ARHGAP31: variants seen among roughly 807,000 people sequenced by gnomAD.
ARHGAP31 encodes the protein rho GTPase-activating protein 31.
ARHGAP31 carries 34 observed loss-of-function variants against 113.9 expected under a neutral mutation model. The observed-to-expected ratio is 0.30, with a 90% confidence interval of 0.23 to 0.40. The LOEUF is 0.40. Ranked by LOEUF, ARHGAP31 falls within the 10% of genes least tolerant of loss-of-function variation. ARHGAP31 has a pLI of 1.00. For missense variants in ARHGAP31, 1,548 were observed against 1,767.1 expected (o/e 0.88, Z 2.22); for synonymous variants, 650 against 684.8 (o/e 0.95, Z 0.79).
At chr3:119,345,050 T>A in intron 1 of ARHGAP31, among the ~76,000 whole-genome samples, 1 of 151,884 alleles carries the variant, frequency 6.6e-6, no homozygotes, top group East Asian at 1.9e-4. Context: ...AGTGGCACAA[T>A]CTCGGCTCAC....
In ARHGAP31 at chr3:119,390,855, G is replaced by C; in HGVS notation, c.753G>C (p.Glu251Asp). Residue 251 changes from glutamate (E) to aspartate (D), a missense_variant, in exon 7 of 12, where the codon GAG becomes GAC. Glu to Asp is a conservative substitution (Grantham distance 45, BLOSUM62 2). Coordinates refer to ENST00000264245, the MANE Select transcript of ARHGAP31 (RefSeq NM_020754.4). ...LSLPMKLVSLEEAQARSLATN... is the reference protein window; with the variant it reads ...LSLPMKLVSLDEAQARSLATN... Reference sequence around the variant, plus strand: ...TGCCCATGAAGCTGGTGAGCCTTGAGGAAGCTCAAGCCCGCAGCCTGGCCA... The same window carrying C: ...TGCCCATGAAGCTGGTGAGCCTTGACGAAGCTCAAGCCCGCAGCCTGGCCA... 1 of 1,613,912 alleles carries C rather than the reference G, an allele frequency of 6.2e-7. No homozygotes were observed. Among genetic ancestry groups the C allele is most frequent in the Non-Finnish European group, 8.5e-7 (1 of 1,180,030 alleles).
intron 8 of ARHGAP31, among the ~76,000 whole-genome samples, chr3:119,394,223 C>T (rs183570752): frequency 1.6e-3 from 239 of 152,270 alleles, no homozygotes; most frequent in African/African-American, 4.7e-3. Context: ...ACTGTGATCC[C>T]TTGGTTAAAG....
chr3:119,405,646 G>A (rs567947045), intron 10 of ARHGAP31, among the ~76,000 whole-genome samples: 1 of 152,112 alleles, frequency 6.6e-6, no homozygotes, highest in South Asian at 2.1e-4. Context: ...GGTGGGGGAG[G>A]TTCTAGCTCC....
intron 1 of ARHGAP31, among the ~76,000 whole-genome samples, chr3:119,308,547 C>T (rs530035774): frequency 6.6e-6 from 1 of 152,318 alleles, no homozygotes; most frequent in African/African-American, 2.4e-5. Flanking sequence ...CTTTCTCTAC[C>T]CACAGCTGGG....
At position 119,383,080 on chromosome 3, in the gene ARHGAP31, G is replaced by T. The variant is rs539898181; in HGVS notation, c.540-4G>T. ...TAACTGAATATGTTTCTTCCACACGGTAGGTCTAAAGAAATTGAAGCCACT... is the reference window on the plus strand; with the variant it reads ...TAACTGAATATGTTTCTTCCACACGTTAGGTCTAAAGAAATTGAAGCCACT... On this transcript the variant is annotated splice_region_variant and splice_polypyrimidine_tract_variant and intron_variant, in intron 5 of 11. Transcript: ENST00000264245. 2.0e-4 allele frequency: 328 copies of T among 1,614,122 alleles called. 5 individuals carry two copies. The South Asian group carries it at 3.4e-3, about 17-fold the overall frequency.
chr3:119,414,021 C>T lies in ARHGAP31; in HGVS notation c.2092C>T (p.Pro698Ser). Residue 698 changes from proline to serine, a missense_variant, in exon 12 of 12, where the codon CCT becomes TCT. Pro to Ser is a moderately conservative substitution (Grantham distance 74). Transcript: ENST00000264245. Reference sequence around the variant, plus strand: ...TCTGGGGCCCTTTATTCCCTCAGAGCCTCCTGGGAGCTTGCCTTGTGGCTC... The same window carrying T: ...TCTGGGGCCCTTTATTCCCTCAGAGTCTCCTGGGAGCTTGCCTTGTGGCTC... Reference protein sequence around the residue: ...SSLGPFIPSEPPGSLPCGSFP... With the variant: ...SSLGPFIPSESPGSLPCGSFP... 6.2e-7 allele frequency: 1 copy of T among 1,614,176 alleles called. No homozygotes were observed. Among genetic ancestry groups the T allele is most frequent in the Non-Finnish European group, 8.5e-7 (1 of 1,180,036 alleles).
chr3:119,381,038 C>T, intron 4 of ARHGAP31, 52 bp downstream of exon 4: 3 of 1,502,648 alleles, frequency 2.0e-6, no homozygotes, highest in Non-Finnish European at 2.8e-6. Context: ...AGTGTAATAC[C>T]AAAGAGACAG....
chr3:119,298,882 A>T, intron 1 of ARHGAP31: 1 of 234,032 alleles, frequency 4.3e-6, no homozygotes. Flanking sequence ...AAGCTACATT[A>T]TTGTGTGAGT....
In ARHGAP31 at chr3:119,414,694, C is replaced by A; in HGVS notation, c.2765C>A (p.Thr922Asn). 2 of 1,614,208 alleles carry A rather than the reference C, an allele frequency of 1.2e-6. No homozygotes were observed. The highest frequency in any genetic ancestry group is 3.3e-5 in the Admixed American group (2 of 60,026). ...GTGACGAGTCCCCTTCACTCTCCCA[C>A]CCTGAAAGACGCGCACAAGGCCCAG... ...QWVTSPLHSP[T>N]LKDAHKAQVQ... The change falls in exon 12 of 12, where the codon ACC becomes AAC. Residue 922 changes from threonine (T) to asparagine (N), a missense_variant. Coordinates refer to ENST00000264245, the MANE Select transcript of ARHGAP31 (RefSeq NM_020754.4).
At chr3:119,345,369 G>A (rs1340614688) in intron 1 of ARHGAP31, among the ~76,000 whole-genome samples, 2 of 152,148 alleles carry the variant, frequency 1.3e-5, no homozygotes, top group Non-Finnish European at 1.5e-5. Flanking sequence ...AGCAGCAGGT[G>A]TCCTCTGGAG....
chr3:119,419,305 C>T lies in ARHGAP31; in HGVS notation c.*3041C>T, dbSNP rs1395595796. Reference sequence around the variant, plus strand: ...TGCATGTACTGACGTTTTCTTTCAGCATTAGTGGTTGCTTAAGAAAATAGT... The same window carrying T: ...TGCATGTACTGACGTTTTCTTTCAGTATTAGTGGTTGCTTAAGAAAATAGT... On this transcript the variant is annotated 3_prime_UTR_variant, in exon 12 of 12. Transcript: ENST00000264245. The T allele has an allele frequency of 6.6e-6, 1 of 152,186 alleles. No homozygotes were observed. Among genetic ancestry groups the T allele is most frequent in the East Asian group, 1.9e-4 (1 of 5,206 alleles). The allele number at this position is 152,186 out of a possible 1,614,324, so 9.4% of individuals were successfully genotyped here.
At chr3:119,356,641 A>AT (rs1423875638) in intron 1 of ARHGAP31, among the ~76,000 whole-genome samples, 2 of 151,698 alleles carry the variant, frequency 1.3e-5, no homozygotes, top group Non-Finnish European at 2.9e-5. Flanking sequence ...AAAAAAAAAA[A>AT]GAAAAAAAAA....
chr3:119,377,503 G>A (rs2080359069), intron 3 of ARHGAP31, among the ~76,000 whole-genome samples: 1 of 152,190 alleles, frequency 6.6e-6, no homozygotes, highest in Non-Finnish European at 1.5e-5. Context: ...GGGACAGCGG[G>A]GACACGCTGA....
rs1255355723 is a variant in ARHGAP31, at chr3:119,314,992, C to T, written c.100+19988C>T. Among the ~76,000 whole-genome samples, 5 of 152,336 alleles carry T rather than the reference C, an allele frequency of 3.3e-5. No individual in the cohort carries two copies. The South Asian group carries it at 1.0e-3, about 32-fold the overall frequency. On this transcript the variant is annotated intron_variant, in intron 1 of 11. Coordinates refer to ENST00000264245, the MANE Select transcript of ARHGAP31 (RefSeq NM_020754.4). ...TGGCAGAGCTGTTTTCCTGACATAA[C>T]CCTCCTCCACACCCTTGTGCCTCCC...
chr3:119,336,177 A>G (rs1409719025), intron 1 of ARHGAP31, among the ~76,000 whole-genome samples: 2 of 152,248 alleles, frequency 1.3e-5, no homozygotes, highest in African/African-American at 4.8e-5. Context: ...CTTGGTCTCA[A>G]AAAAACAAAA....
chr3:119,298,495 GAGAT>G (rs1197476816), intron 1 of ARHGAP31, among the ~76,000 whole-genome samples: 2 of 152,150 alleles, frequency 1.3e-5, no homozygotes, highest in Non-Finnish European at 2.9e-5. Flanking sequence ...TTAGAGCTTG[GAGAT>G]GGTTGGGGCC....
intron 1 of ARHGAP31, among the ~76,000 whole-genome samples, chr3:119,327,386 A>G (rs1355619168): frequency 1.3e-5 from 2 of 152,022 alleles, no homozygotes; most frequent in East Asian, 1.9e-4. Flanking sequence ...TCTACTAAAA[A>G]ATACAAAAAT....
Position 119,417,473 on chromosome 3 carries a change from C to G in ARHGAP31, c.*1209C>G, listed in dbSNP as rs1170072124. The G allele has an allele frequency of 1.3e-5, 2 of 152,126 alleles. No homozygotes were observed. The highest frequency in any genetic ancestry group is 3.9e-4 in the East Asian group (2 of 5,160). 9.4% of individuals were successfully genotyped at this position (152,126 alleles called of 1,614,324 possible). On this transcript the variant is annotated 3_prime_UTR_variant, in exon 12 of 12. Coordinates refer to ENST00000264245, the MANE Select transcript of ARHGAP31 (RefSeq NM_020754.4). Reference sequence around the variant, plus strand: ...TCAAGAACAGATTTGAGGCCAGGTGCGGTGCCTCACATCTGTAATCCCAAC... The same window carrying G: ...TCAAGAACAGATTTGAGGCCAGGTGGGGTGCCTCACATCTGTAATCCCAAC...
rs886057804 is a variant in ARHGAP31, at chr3:119,416,447, A to G, written c.*183A>G. On this transcript the variant is annotated 3_prime_UTR_variant, in exon 12 of 12. Coordinates refer to ENST00000264245, the MANE Select transcript of ARHGAP31 (RefSeq NM_020754.4). ...CATTTGCTAGAAGAGTGGTCAAGGG[A>G]AAAACGAGAGATGAAATTTAGTTAA... 3.8e-5 allele frequency: 31 copies of G among 825,518 alleles called. No individual in the cohort carries two copies. Among genetic ancestry groups the G allele is most frequent in the Middle Eastern group, 3.5e-4 (1 of 2,824 alleles). 51.1% of individuals were successfully genotyped at this position (825,518 alleles called of 1,614,324 possible). A position where few individuals can be genotyped will look rare whatever the true frequency, so the allele number is the denominator to read the frequency against.
Sources: allele counts gnomAD v4.1 joint callset (sites outside exome capture counted in the v4.1 genomes callset), GRCh38; gene constraint gnomAD v4.1.1; transcripts MANE v1.5; gene names NCBI Gene and HGNC (gene_info 2026-07-23, HGNC 2026-07-21).